The following LAPTM4B variants were observed in gnomAD, a reference collection of about 807,000 sequenced individuals.
LAPTM4B encodes lysosomal protein transmembrane 4 beta, also known as lysosomal-associated transmembrane protein 4B.
Under a neutral mutation model 28.5 loss-of-function variants are expected in LAPTM4B, and 26 were observed. The observed-to-expected ratio is 0.91, with a 90% confidence interval of 0.67 to 1.27. The LOEUF is 1.27. Ranked by LOEUF, LAPTM4B falls within the 50% of genes most tolerant of loss-of-function variation. The pLI is 0.00. For missense variants in LAPTM4B, 288 were observed against 285.8 expected, an observed-to-expected ratio of 1.01 and a Z score of -0.06; for synonymous variants, 109 against 106.4, an observed-to-expected ratio of 1.02 and a Z score of -0.15.
At chr8:97,840,456 T>G (rs1216898659) in intron 6 of LAPTM4B, among the ~76,000 whole-genome samples, 1 of 152,208 alleles carries the variant, frequency 6.6e-6, no homozygotes, top group Non-Finnish European at 1.5e-5. Flanking sequence ...CTATCTTGTT[T>G]GCCTTTGGAA....
In LAPTM4B at chr8:97,815,410, C is replaced by G; in HGVS notation, c.285+9C>G. On this transcript the variant is annotated intron_variant, in intron 3 of 6. Transcript: ENST00000521545. The stretch of plus-strand genomic sequence containing the variant: ...CTTACGGAGCGTACAAGGTAAGCCG[C>G]TTGCAGTAAGATGCTGGCCTTTTCC... 6.5e-7 allele frequency: 1 copy of G among 1,530,732 alleles called. No homozygotes were observed. Among genetic ancestry groups the G allele is most frequent in the Non-Finnish European group, 9.0e-7 (1 of 1,105,330 alleles). The allele number at this position is 1,530,732 out of a possible 1,614,324, so 94.8% of individuals were successfully genotyped here. A position where few individuals can be genotyped will look rare whatever the true frequency, so the allele number is the denominator to read the frequency against.
At chr8:97,823,549 A>G (rs1203610726) in intron 5 of LAPTM4B, among the ~76,000 whole-genome samples, 1 of 149,874 alleles carries the variant, frequency 6.7e-6, no homozygotes, top group Non-Finnish European at 1.5e-5. Context: ...TAATTTTTGT[A>G]TTTTTAGTGG....
At chr8:97,776,526 G>A (rs917335215) in intron 1 of LAPTM4B, among the ~76,000 whole-genome samples, 2 of 152,270 alleles carry the variant, frequency 1.3e-5, no homozygotes, top group African/African-American at 2.4e-5. Context: ...GGTCGCGGAG[G>A]TGACGGCGCA....
At chr8:97,782,279 CTTTTT>C (rs34322160) in intron 1 of LAPTM4B, among the ~76,000 whole-genome samples, 2 of 50,238 alleles carry the variant, frequency 4.0e-5, no homozygotes, top group African/African-American at 1.4e-4. Context: ...CCATGCCCAG[CTTTTT>C]TTTTTTTTTT....
intron 1 of LAPTM4B, among the ~76,000 whole-genome samples, chr8:97,796,564 A>G (rs1816587628): frequency 6.6e-6 from 1 of 152,184 alleles, no homozygotes; most frequent in African/African-American, 2.4e-5. Context: ...ATTTGGGGGA[A>G]AAAAGGACCT....
intron 1 of LAPTM4B, among the ~76,000 whole-genome samples, chr8:97,793,105 A>G (rs768465123): frequency 2.6e-5 from 4 of 152,190 alleles, no homozygotes; most frequent in Non-Finnish European, 5.9e-5. Flanking sequence ...TAGAACATCC[A>G]ATTTATTATT....
At chr8:97,778,635 C>T (rs774013155) in intron 1 of LAPTM4B, among the ~76,000 whole-genome samples, 6 of 152,222 alleles carry the variant, frequency 3.9e-5, no homozygotes, top group African/African-American at 7.2e-5. Flanking sequence ...AGCCCCGCGT[C>T]TGTCACCTTG....
chr8:97,804,248 C>T (rs1215085987), intron 1 of LAPTM4B, among the ~76,000 whole-genome samples: 1 of 152,184 alleles, frequency 6.6e-6, no homozygotes, highest in African/African-American at 2.4e-5. Flanking sequence ...TGGTGCCTCA[C>T]TTAAACTCTG....
At chr8:97,805,805 T>G (rs1198027550) in intron 2 of LAPTM4B, among the ~76,000 whole-genome samples, 3 of 152,118 alleles carry the variant, frequency 2.0e-5, no homozygotes, top group Non-Finnish European at 4.4e-5. Flanking sequence ...TCTATTATGT[T>G]TCAGTATTTA....
chr8:97,819,624 TTGA>T (rs34567914), intron 5 of LAPTM4B, among the ~76,000 whole-genome samples: 50,086 of 151,736 alleles, frequency 0.33, 9,730 homozygotes, highest in Non-Finnish European at 0.45. Context: ...AATAAATTAC[TTGA>T]TGAGCATTGA....
intron 1 of LAPTM4B, among the ~76,000 whole-genome samples, chr8:97,800,101 G>A (rs1222855294): frequency 2.6e-5 from 4 of 152,106 alleles, no homozygotes; most frequent in Non-Finnish European, 5.9e-5. Flanking sequence ...GGTACATGAT[G>A]TATTTAACTT....
intron 1 of LAPTM4B, among the ~76,000 whole-genome samples, chr8:97,776,850 G>A (rs1200639714): frequency 1.3e-5 from 2 of 152,084 alleles, no homozygotes; most frequent in African/African-American, 2.4e-5. Flanking sequence ...GGGCAAATCT[G>A]GCATTTTTTT....
At chr8:97,846,699 G>T (rs922343655) in intron 6 of LAPTM4B, among the ~76,000 whole-genome samples, 1 of 152,018 alleles carries the variant, frequency 6.6e-6, no homozygotes, top group Non-Finnish European at 1.5e-5. Context: ...TTATTTGATG[G>T]AGTGCATTCA....
chr8:97,812,238 G>C (rs1192222935), intron 2 of LAPTM4B, among the ~76,000 whole-genome samples: 1 of 53,790 alleles, frequency 1.9e-5, no homozygotes. Flanking sequence ...TTTTTTTTTT[G>C]AGTCGGAGTC....
chr8:97,818,439 T>C (rs1816955765), intron 4 of LAPTM4B, among the ~76,000 whole-genome samples: 1 of 152,196 alleles, frequency 6.6e-6, no homozygotes. Context: ...TGATCAATGC[T>C]GTGTGAGTGT....
intron 1 of LAPTM4B, among the ~76,000 whole-genome samples, chr8:97,792,858 G>A (rs953805827): frequency 4.6e-5 from 7 of 152,320 alleles, no homozygotes; most frequent in Non-Finnish European, 2.9e-5. Context: ...GATTACAGGC[G>A]TGAGCCATTG....
chr8:97,819,590 T>A (rs1302937217), intron 5 of LAPTM4B, among the ~76,000 whole-genome samples: 1 of 151,094 alleles, frequency 6.6e-6, no homozygotes, highest in Non-Finnish European at 1.5e-5. Flanking sequence ...TCTATCTCAA[T>A]CCATTATATG....
At chr8:97,829,276 G>A (rs1817141714) in intron 6 of LAPTM4B, among the ~76,000 whole-genome samples, 1 of 152,204 alleles carries the variant, frequency 6.6e-6, no homozygotes, top group Non-Finnish European at 1.5e-5. Context: ...AAGCAGGCAA[G>A]AAGAAGGACT....
At chr8:97,837,788 C>T (rs1817285088) in intron 6 of LAPTM4B, among the ~76,000 whole-genome samples, 1 of 126,984 alleles carries the variant, frequency 7.9e-6, no homozygotes, top group African/African-American at 2.5e-5. Context: ...GAAGATTCTT[C>T]AGGAATTGGA....
Sources: gnomAD v4.1 joint callset for allele counts (sites outside exome capture counted in the v4.1 genomes callset) on GRCh38, gnomAD v4.1.1 for gene constraint, MANE v1.5 for transcripts, NCBI Gene and HGNC (gene_info 2026-07-23, HGNC 2026-07-21) for gene names.